NELL1: variants seen among roughly 807,000 people sequenced by gnomAD.
The protein encoded by NELL1 is protein kinase C-binding protein NELL1.
NELL1 carries 76 observed loss-of-function variants against 107.4 expected under a neutral mutation model. The observed-to-expected ratio is 0.71, with a 90% CI of 0.59 to 0.86. NELL1 has a LOEUF of 0.86. Ranked by LOEUF, NELL1 falls within the 40% of genes least tolerant of loss-of-function variation. The pLI, the probability that NELL1 is intolerant of heterozygous loss-of-function variation, is 0.00. For synonymous variants in NELL1, 353 were observed against 341.2 expected (o/e 1.03, Z -0.38); for missense variants, 1,024 against 1,005.5 (o/e 1.02, Z -0.25).
At chr11:21,037,440 G>A (rs1853123186) in intron 12 of NELL1, among the ~76,000 whole-genome samples, 1 of 151,710 alleles carries the variant, frequency 6.6e-6, no homozygotes, top group African/African-American at 2.4e-5. Flanking sequence ...ACAATTCTAG[G>A]GGATATTTTT....
At chr11:21,486,334 C>A (rs568832709) in intron 15 of NELL1, among the ~76,000 whole-genome samples, 3 of 152,282 alleles carry the variant, frequency 2.0e-5, no homozygotes, top group African/African-American at 7.2e-5. Context: ...AGTAACCATA[C>A]CCTAAGCCAC....
intron 15 of NELL1, among the ~76,000 whole-genome samples, chr11:21,426,516 C>G (rs1852825554): frequency 6.6e-6 from 1 of 152,220 alleles, no homozygotes. Flanking sequence ...AGGAGACATA[C>G]TATGACAAAT....
chr11:21,292,859 T>C (rs1050734531), intron 14 of NELL1, among the ~76,000 whole-genome samples: 1 of 152,170 alleles, frequency 6.6e-6, no homozygotes, highest in Non-Finnish European at 1.5e-5. Context: ...TAAATGCTAT[T>C]GGGAAAACTG....
At chr11:21,063,088 T>TG (rs1565040023) in intron 12 of NELL1, among the ~76,000 whole-genome samples, 2 of 151,740 alleles carry the variant, frequency 1.3e-5, no homozygotes, top group Non-Finnish European at 2.9e-5. Context: ...GCTCCAGTGA[T>TG]CCCCCTGCCT....
chr11:21,492,646 C>T (rs1400794397), intron 15 of NELL1, among the ~76,000 whole-genome samples: 3 of 147,504 alleles, frequency 2.0e-5, no homozygotes, highest in Non-Finnish European at 3.0e-5. Context: ...ATCGCAAGGA[C>T]AAAAAACCAA....
intron 15 of NELL1, among the ~76,000 whole-genome samples, chr11:21,503,698 T>A (rs1433156507): frequency 1.3e-5 from 2 of 152,190 alleles, no homozygotes; most frequent in Non-Finnish European, 2.9e-5. Flanking sequence ...TCGCTGGGTA[T>A]AAATCCAGTC....
intron 13 of NELL1, among the ~76,000 whole-genome samples, chr11:21,173,146 A>G (rs950218395): frequency 6.6e-6 from 1 of 151,712 alleles, no homozygotes; most frequent in Admixed American, 6.6e-5. Flanking sequence ...TTTACCTACA[A>G]CTTCTCAGAA....
intron 2 of NELL1, among the ~76,000 whole-genome samples, chr11:20,780,015 A>T (rs982324479): frequency 6.6e-6 from 1 of 152,136 alleles, no homozygotes; most frequent in African/African-American, 2.4e-5. Context: ...TAACATCTGG[A>T]TCATGGTCAA....
At position 21,007,173 on chromosome 11, in the gene NELL1, C is replaced by T. The variant is rs78975825; in HGVS notation, c.1300+46613C>T. Among the ~76,000 whole-genome samples the T allele has an allele frequency of 6.6e-3, 1,007 of 152,192 alleles. 8 individuals carry two copies. Among genetic ancestry groups the T allele is most frequent in the African/African-American group, 0.023 (963 of 41,538 alleles). On this transcript the variant is annotated intron_variant, in intron 12 of 19. Coordinates refer to ENST00000357134, the MANE Select transcript of NELL1 (RefSeq NM_006157.5). ...TAGGGAGACAAGAGAAAGCAGTCAA[C>T]TGCACCTCACATCTTTCCCTTATCC...
At chr11:20,996,414 A>C (rs1852091166) in intron 12 of NELL1, among the ~76,000 whole-genome samples, 1 of 152,142 alleles carries the variant, frequency 6.6e-6, no homozygotes, top group African/African-American at 2.4e-5. Context: ...GCTGCCAGGA[A>C]GCCTTTCTAT....
At chr11:21,181,529 C>G (rs1856826642) in intron 13 of NELL1, among the ~76,000 whole-genome samples, 1 of 151,872 alleles carries the variant, frequency 6.6e-6, no homozygotes, top group Non-Finnish European at 1.5e-5. Flanking sequence ...AACTGCAAAG[C>G]TCCTCTTTTC....
intron 15 of NELL1, among the ~76,000 whole-genome samples, chr11:21,447,867 A>G (rs546297471): frequency 6.6e-6 from 1 of 152,282 alleles, no homozygotes; most frequent in African/African-American, 2.4e-5. Flanking sequence ...AGGACCCCAG[A>G]GCACTGTAGC....
intron 12 of NELL1, among the ~76,000 whole-genome samples, chr11:20,977,279 T>C (rs1851656636): frequency 6.6e-6 from 1 of 151,180 alleles, no homozygotes; most frequent in Non-Finnish European, 1.5e-5. Flanking sequence ...TTTTTTTTTT[T>C]TTTGAGACAG....
In NELL1 at chr11:21,440,973, TG is replaced by T. The variant is rs1564895035; in HGVS notation, c.1645+70026del. Among the ~76,000 whole-genome samples, 3 of 152,300 alleles carry T rather than the reference TG, an allele frequency of 2.0e-5. No homozygotes were observed. In the East Asian group the frequency reaches 5.8e-4, roughly 29 times the overall value. On this transcript the variant is annotated intron_variant, in intron 15 of 19. Transcript: ENST00000357134. Reference sequence around the variant, plus strand: ...TTACCTGAGTATGTTATTGAATATCTGTAAAACGTATGAAAAGAAAGAAATG... The same window carrying T: ...TTACCTGAGTATGTTATTGAATATCTTAAAACGTATGAAAAGAAAGAAATG...
At chr11:21,297,082 T>C (rs190989886) in intron 14 of NELL1, among the ~76,000 whole-genome samples, 1 of 151,938 alleles carries the variant, frequency 6.6e-6, no homozygotes. Flanking sequence ...TGTAGGCATT[T>C]ACATTTTCTC....
intron 15 of NELL1, among the ~76,000 whole-genome samples, chr11:21,397,528 AAATAC>A (rs1357576884): frequency 6.6e-6 from 1 of 151,642 alleles, no homozygotes; most frequent in Non-Finnish European, 1.5e-5. Context: ...TGTCAGTGAA[AAATAC>A]ATATTGTATT....
At position 21,479,720 on chromosome 11, in the gene NELL1, G is replaced by C. The variant is rs772579454; in HGVS notation, c.1646-54654G>C. 7.2e-5 allele frequency among the ~76,000 whole-genome samples: 11 copies of C among 152,210 alleles called. No homozygotes were observed. The East Asian group carries it at 9.7e-4, about 13-fold the overall frequency. On this transcript the variant is annotated intron_variant, in intron 15 of 19. Transcript: ENST00000357134. ...TTAGTTACATAAAGAAAGGAGAAATGCTTGGGGTGATGAATATCCCATTTG... is the reference window on the plus strand; with the variant it reads ...TTAGTTACATAAAGAAAGGAGAAATCCTTGGGGTGATGAATATCCCATTTG...
intron 14 of NELL1, among the ~76,000 whole-genome samples, chr11:21,303,524 A>G (rs1216498055): frequency 1.3e-5 from 2 of 152,048 alleles, no homozygotes; most frequent in African/African-American, 4.8e-5. Context: ...CTCCATGAGG[A>G]TGTGGAGAAA....
At position 20,894,136 on chromosome 11, in the gene NELL1, C is replaced by T. The variant is rs147515991; in HGVS notation, c.603+8596C>T. On this transcript the variant is annotated intron_variant, in intron 5 of 19. Coordinates refer to ENST00000357134, the MANE Select transcript of NELL1 (RefSeq NM_006157.5). ...ACAACTGATAATGCAAAATCAATTC[C>T]AAGTGGGCTATAGATCAAAAAGTTA... 1.3e-3 allele frequency among the ~76,000 whole-genome samples: 203 copies of T among 152,218 alleles called. 1 individual carries two copies. Among genetic ancestry groups the T allele is most frequent in the Admixed American group, 2.9e-3 (45 of 15,292 alleles).
Sources: allele counts gnomAD v4.1 joint callset (sites outside exome capture counted in the v4.1 genomes callset), GRCh38; gene constraint gnomAD v4.1.1; transcripts MANE v1.5; gene names NCBI Gene and HGNC (gene_info 2026-07-23, HGNC 2026-07-21).